The following VAV2 variants were observed in gnomAD, a reference collection of about 807,000 sequenced individuals.
VAV2 encodes the protein vav guanine nucleotide exchange factor 2.
A neutral mutation model predicts 132.5 loss-of-function variants in VAV2; 67 were observed. The ratio of observed to expected loss-of-function variants is 0.51; its 90% CI spans 0.42 to 0.62. The LOEUF is 0.62. VAV2 is among the 20% of genes least tolerant of loss of function. The probability of loss-of-function intolerance (pLI) is 0.00; values close to 1 mark genes in which losing one functional copy is unlikely to be tolerated. For synonymous variants in VAV2, 492 were observed against 443.5 expected (o/e 1.11, Z -1.37); for missense variants, 938 against 1,153.6 (o/e 0.81, Z 2.71).
Position 133,764,066 on chromosome 9 carries a change from T to C in VAV2, c.2633A>G (p.Gln878Arg), listed in dbSNP as rs961760785. 1 of 1,614,042 alleles carries C rather than the reference T, an allele frequency of 6.2e-7. No homozygotes were observed. Residue 878 changes from glutamine (Q) to arginine (R), a missense_variant, in exon 30 of 30, where the codon CAG becomes CGG. By Grantham distance (43) the Gln-to-Arg change is conservative. Transcript: ENST00000371850. ...PSTYVEEEGIQ is the reference protein window; with the variant it reads ...PSTYVEEEGIR ...GTCTTGTCCACGTTCCTGCCGTCAC[T>C]GGATGCCCTCCTCTTCTACGTACGT... is the stretch of plus-strand genomic sequence containing the variant.
At chr9:133,929,611 G>A (rs1035756441) in intron 2 of VAV2, among the ~76,000 whole-genome samples, 1 of 152,134 alleles carries the variant, frequency 6.6e-6, no homozygotes, top group Non-Finnish European at 1.5e-5. Flanking sequence ...AAGGAGGAAG[G>A]GCCCCTCTGC....
At chr9:133,982,791 G>A (rs115580074) in intron 1 of VAV2, among the ~76,000 whole-genome samples, 6,992 of 152,280 alleles carry the variant, frequency 0.046, 392 homozygotes, top group African/African-American at 0.14. Flanking sequence ...TGGGGGAAGC[G>A]TAAGAGTAAT....
At chr9:133,811,653 G>A (rs893776420) in intron 5 of VAV2, among the ~76,000 whole-genome samples, 12 of 152,184 alleles carry the variant, frequency 7.9e-5, no homozygotes, top group African/African-American at 2.9e-4. Flanking sequence ...CATAAAAGAC[G>A]CACAGCTGGC....
chr9:133,874,537 T>C (rs915509884), intron 2 of VAV2, among the ~76,000 whole-genome samples: 1 of 152,062 alleles, frequency 6.6e-6, no homozygotes, highest in African/African-American at 2.4e-5. Context: ...AGTCACTGCC[T>C]CCAAGGTACA....
intron 1 of VAV2, among the ~76,000 whole-genome samples, chr9:133,955,968 C>CA (rs1307146847): frequency 6.6e-6 from 1 of 151,036 alleles, no homozygotes; most frequent in Non-Finnish European, 1.5e-5. Context: ...GGGGAGCTCT[C>CA]AGACGGGCAG....
intron 8 of VAV2, 49 bp downstream of exon 8, chr9:133,807,209 G>A (rs556157290): frequency 5.1e-6 from 8 of 1,583,190 alleles, no homozygotes; most frequent in Middle Eastern, 1.8e-4. Context: ...GGCCAGTGCC[G>A]AGTTAGGGCC....
intron 3 of VAV2, among the ~76,000 whole-genome samples, chr9:133,858,488 G>C (rs905109687): frequency 6.6e-6 from 1 of 152,060 alleles, no homozygotes; most frequent in African/African-American, 2.4e-5. Flanking sequence ...TCCACCCCGG[G>C]GCCTTTTCCA....
At position 133,826,789 on chromosome 9, in the gene VAV2, T is replaced by C. The variant is rs1319629895; in HGVS notation, c.449+7483A>G. On this transcript the variant is annotated intron_variant, in intron 4 of 29. Transcript: ENST00000371850. This position sits in a 1 kb window ranked among gnomAD's most constrained non-coding sequence, Gnocchi z 4.2. ...TCCCCTAAGAATTCTCGGGGACCTC[T>C]GACCTGCCGGCACCACGGGAGGGAG... Among the ~76,000 whole-genome samples the C allele has an allele frequency of 1.3e-5, 2 of 152,184 alleles. No individual in the cohort carries two copies. The highest frequency in any genetic ancestry group is 4.8e-5 in the African/African-American group (2 of 41,446).
intron 2 of VAV2, among the ~76,000 whole-genome samples, chr9:133,894,180 A>G (rs1839100694): frequency 6.6e-6 from 1 of 152,184 alleles, no homozygotes; most frequent in Non-Finnish European, 1.5e-5. Context: ...TGTCCGCTCT[A>G]AAGTGCACTG....
chr9:133,901,660 G>A (rs543694576), intron 2 of VAV2, among the ~76,000 whole-genome samples: 72 of 152,328 alleles, frequency 4.7e-4, no homozygotes, highest in African/African-American at 1.6e-3. Flanking sequence ...GGCTCCTGCC[G>A]GCCCGGCCTG....
At chr9:133,777,844 G>A (rs148563068) in intron 22 of VAV2, among the ~76,000 whole-genome samples, 46 of 152,334 alleles carry the variant, frequency 3.0e-4, no homozygotes, top group Admixed American at 1.4e-3. Flanking sequence ...CCATCACCGA[G>A]TATGGACTGA....
Position 133,863,802 on chromosome 9 carries a change from C to A in VAV2, c.322-2370G>T, listed in dbSNP as rs1426472569. Among the ~76,000 whole-genome samples the A allele has an allele frequency of 6.6e-6, 1 of 152,160 alleles. No homozygotes were observed. The highest frequency in any genetic ancestry group is 1.5e-5 in the Non-Finnish European group (1 of 68,010). On this transcript the variant is annotated intron_variant, in intron 2 of 29. Coordinates refer to ENST00000371850, the MANE Select transcript of VAV2 (RefSeq NM_001134398.2). The surrounding 1 kb of genome is among the most constrained non-coding windows in gnomAD (Gnocchi z 5.0). ...CACGGGGAACCACACTCCAGTGACC[C>A]AAAACCCAGGGCAGGGGCTGCTGGA...
chr9:133,810,088 G>C, intron 6 of VAV2, 103 bp downstream of exon 6: 4 of 1,535,114 alleles, frequency 2.6e-6, no homozygotes, highest in Non-Finnish European at 3.5e-6. Flanking sequence ...GTCTTCCTGG[G>C]GGCAGGGTCC....
chr9:133,796,423 C>T lies in VAV2; in HGVS notation c.1032+6G>A. On this transcript the variant is annotated splice_donor_region_variant and intron_variant, in intron 11 of 29. Transcript: ENST00000371850. ...CCCCGCAGGCACCCGGGGCCCAGAG[C>T]CTCACCTTCAAGAGCAGGTGGTATT... is the stretch of plus-strand genomic sequence containing the variant. 6.2e-7 allele frequency: 1 copy of T among 1,612,330 alleles called. No homozygotes were observed.
intron 3 of VAV2, among the ~76,000 whole-genome samples, chr9:133,848,279 CAAA>C (rs34908811): frequency 2.7e-4 from 13 of 48,618 alleles, no homozygotes; most frequent in Admixed American, 6.0e-4. Flanking sequence ...GACTCCGTCT[CAAA>C]AAAAAAAAAA....
chr9:133,801,367 G>T (rs901742904), intron 9 of VAV2, among the ~76,000 whole-genome samples: 1 of 152,244 alleles, frequency 6.6e-6, no homozygotes, highest in Non-Finnish European at 1.5e-5. Flanking sequence ...GAGACGTGAC[G>T]TGACTTCTGA....
chr9:133,989,879 C>T (rs1051456652), intron 1 of VAV2, among the ~76,000 whole-genome samples: 9 of 152,238 alleles, frequency 5.9e-5, no homozygotes, highest in Non-Finnish European at 8.8e-5. Context: ...AGGCAACAGC[C>T]GTACAAAGGT....
intron 1 of VAV2, among the ~76,000 whole-genome samples, chr9:133,988,268 C>T (rs529797051): frequency 6.6e-6 from 1 of 151,948 alleles, no homozygotes; most frequent in Non-Finnish European, 1.5e-5. Context: ...AGACACACAC[C>T]GTGACAACCC....
chr9:133,791,115 C>A (rs577121017), intron 13 of VAV2, among the ~76,000 whole-genome samples: 2 of 152,320 alleles, frequency 1.3e-5, no homozygotes, highest in Admixed American at 1.3e-4. Flanking sequence ...GGTGGAGAAG[C>A]CCAGGTTAGA....
Sources: allele counts gnomAD v4.1 joint callset (sites outside exome capture counted in the v4.1 genomes callset), GRCh38; gene constraint gnomAD v4.1.1; non-coding constraint Gnocchi (gnomAD v3.1); transcripts MANE v1.5; gene names NCBI Gene and HGNC (gene_info 2026-07-23, HGNC 2026-07-21).